Variants in MBNL3 observed in about 807,000 individuals in gnomAD.
MBNL3 encodes the protein muscleblind-like protein 3.
MBNL3 carries 6 observed loss-of-function variants against 24.5 expected under a neutral mutation model. The observed-to-expected ratio is 0.25, with a 90% CI of 0.13 to 0.48. The LOEUF is 0.48. Among genes scored for constraint, MBNL3 ranks in the 20% least tolerant of loss-of-function variants. The probability of loss-of-function intolerance (pLI) is 0.99; values close to 1 mark genes in which losing one functional copy is unlikely to be tolerated. For synonymous variants in MBNL3, 100 were observed against 101.7 expected, an observed-to-expected ratio of 0.98 and a Z score of 0.10; for missense variants, 230 against 293.5, an observed-to-expected ratio of 0.78 and a Z score of 1.58.
chrX:132,483,954 A>T (rs934304170), intron 1 of MBNL3, among the ~76,000 whole-genome samples: 1 of 112,420 alleles, frequency 8.9e-6, no homozygotes, highest in Non-Finnish European at 1.9e-5. Context: ...TATACATGAC[A>T]GGAGGCATCA....
intron 3 of MBNL3, among the ~76,000 whole-genome samples, chrX:132,396,922 A>ATTCATATATACC (rs1556298896): frequency 3.9e-4 from 19 of 48,194 alleles, no homozygotes; most frequent in African/African-American, 2.1e-3. Flanking sequence ...ATACATATAT[A>ATTCATATATACC]TTCATATATA....
At chrX:132,387,923 C>T (rs1936403645) in intron 5 of MBNL3, among the ~76,000 whole-genome samples, 1 of 111,752 alleles carries the variant, frequency 8.9e-6, no homozygotes, top group African/African-American at 3.3e-5. Flanking sequence ...GTGAAACTTG[C>T]CCCTGGATCA....
intron 6 of MBNL3, among the ~76,000 whole-genome samples, chrX:132,385,488 TAA>T (rs1935837259): frequency 9.0e-6 from 1 of 111,512 alleles, no homozygotes; most frequent in South Asian, 3.8e-4. Flanking sequence ...ATGCTAGGAA[TAA>T]AGTCATGTCA....
chrX:132,444,978 T>C (rs1033603409), intron 1 of MBNL3, among the ~76,000 whole-genome samples: 5 of 111,553 alleles, frequency 4.5e-5, no homozygotes, highest in Non-Finnish European at 9.4e-5. Context: ...ACTTTCCTTG[T>C]CTCCTACTTT....
intron 1 of MBNL3, among the ~76,000 whole-genome samples, chrX:132,453,297 A>G (rs969791871): frequency 5.4e-5 from 6 of 111,837 alleles, no homozygotes; most frequent in African/African-American, 2.0e-4. Context: ...GCTCCTGGAA[A>G]ATTGGTTTAC....
rs1933586116 is a variant in MBNL3 at position 132,371,246 on chromosome X, G to A, written c.*8420C>T. The stretch of plus-strand genomic sequence containing the variant: ...AACCTCCTCCCCGACCCTCTTCACT[G>A]TTAAGAGACACATCAGTAATACTTT... On this transcript the variant is annotated 3_prime_UTR_variant, in exon 9 of 9. Coordinates refer to ENST00000370853, the MANE Select transcript of MBNL3 (RefSeq NM_001386889.1). 1 of 111,292 alleles carries A rather than the reference G, an allele frequency of 9.0e-6. No individual in the cohort carries two copies. The highest frequency in any genetic ancestry group is 1.9e-5 in the Non-Finnish European group (1 of 53,044). 9.2% of individuals were successfully genotyped at this position (111,292 alleles called of 1,213,427 possible).
intron 2 of MBNL3, chrX:132,411,251 A>G: frequency 1.3e-6 from 1 of 754,152 alleles, no homozygotes; most frequent in Non-Finnish European, 1.6e-6. Context: ...ACACAGGGCA[A>G]TGACTTTGGC....
At chrX:132,463,694 T>C (rs1323419562) in intron 1 of MBNL3, among the ~76,000 whole-genome samples, 1 of 111,593 alleles carries the variant, frequency 9.0e-6, no homozygotes, top group Non-Finnish European at 1.9e-5. Flanking sequence ...TAAAAAAAAG[T>C]ATCCCATAAA....
At chrX:132,479,113 G>A (rs1284521105) in intron 1 of MBNL3, among the ~76,000 whole-genome samples, 2 of 111,528 alleles carry the variant, frequency 1.8e-5, no homozygotes, top group African/African-American at 3.3e-5. Context: ...GCATGGTATG[G>A]TGGTGGGTGC....
chrX:132,396,141 A>ATAT (rs1938188480), intron 3 of MBNL3, among the ~76,000 whole-genome samples: 1 of 108,223 alleles, frequency 9.2e-6, no homozygotes, highest in African/African-American at 3.4e-5. Flanking sequence ...AAAATTGTAG[A>ATAT]TATTTGTTTC....
At chrX:132,396,849 TATATATTC>T (rs1939547259) in intron 3 of MBNL3, among the ~76,000 whole-genome samples, 1 of 63,981 alleles carries the variant, frequency 1.6e-5, no homozygotes, top group Non-Finnish European at 2.5e-5. Context: ...CATATATACA[TATATATTC>T]ATATATATAT....
At chrX:132,438,366 G>A (rs1170513784) in intron 2 of MBNL3, among the ~76,000 whole-genome samples, 1 of 111,309 alleles carries the variant, frequency 9.0e-6, no homozygotes, top group Non-Finnish European at 1.9e-5. Flanking sequence ...CCTGTATATC[G>A]CTTAAGAAAA....
At chrX:132,394,900 A>C (rs946444845) in intron 3 of MBNL3, among the ~76,000 whole-genome samples, 2 of 112,021 alleles carry the variant, frequency 1.8e-5, no homozygotes, top group African/African-American at 6.5e-5. Flanking sequence ...TAAATTAATG[A>C]TTGGTCTACA....
At chrX:132,454,309 C>T (rs1946268042) in intron 1 of MBNL3, among the ~76,000 whole-genome samples, 1 of 111,252 alleles carries the variant, frequency 9.0e-6, no homozygotes, top group Admixed American at 9.5e-5. Context: ...TAATTATAAA[C>T]AGCTCAAGTA....
At chrX:132,450,704 C>T (rs1946055449) in intron 1 of MBNL3, among the ~76,000 whole-genome samples, 1 of 111,829 alleles carries the variant, frequency 8.9e-6, no homozygotes, top group African/African-American at 3.3e-5. Flanking sequence ...GTTTTGTTTC[C>T]TTGCTGGCGA....
At chrX:132,396,556 CTA>C (rs60091559) in intron 3 of MBNL3, among the ~76,000 whole-genome samples, 1,021 of 16,546 alleles carry the variant, frequency 0.062, 143 homozygotes, top group African/African-American at 0.13. Context: ...CTATATATTC[CTA>C]TATATATTCC....
rs767713599 is a variant in MBNL3 at position 132,439,504 on chromosome X, C to T, written c.108G>A (p.Lys36=). The stretch of plus-strand genomic sequence containing the variant: ...GGCAAACTCTTGGTGGATGGGCAAA[C>T]TTGCAATCTGCATCAGCTCGAGAGC... ...GTCSRADADC[K]FAHPPRVCHV... Residue 36 remains lysine (K), a synonymous_variant, in exon 2 of 9, where the codon AAG becomes AAA. Coordinates refer to ENST00000370853, the MANE Select transcript of MBNL3 (RefSeq NM_001386889.1). The T allele has an allele frequency of 1.2e-5, 15 of 1,209,334 alleles. No individual in the cohort carries two copies. In the Admixed American group the frequency reaches 3.1e-4, roughly 25 times the overall value.
At chrX:132,415,181 G>A (rs1273265446) in intron 2 of MBNL3, among the ~76,000 whole-genome samples, 4 of 111,875 alleles carry the variant, frequency 3.6e-5, no homozygotes, top group Non-Finnish European at 7.5e-5. Context: ...TCTCAAGTGA[G>A]TTTTCGCTGT....
intron 1 of MBNL3, among the ~76,000 whole-genome samples, chrX:132,459,708 A>G (rs1946538965): frequency 8.9e-6 from 1 of 112,069 alleles, no homozygotes; most frequent in Non-Finnish European, 1.9e-5. Context: ...AAGTGAAGAA[A>G]GTGTGTTGTT....
Sources: allele counts gnomAD v4.1 joint callset (sites outside exome capture counted in the v4.1 genomes callset), GRCh38; gene constraint gnomAD v4.1.1; transcripts MANE v1.5; gene names NCBI Gene and HGNC (gene_info 2026-07-23, HGNC 2026-07-21).